The following ROBO1 variants were observed in gnomAD, a reference collection of about 807,000 sequenced individuals.
ROBO1 encodes roundabout guidance receptor 1.
Under a neutral mutation model 195.9 loss-of-function variants are expected in ROBO1, and 149 were observed. The ratio of observed to expected loss-of-function variants is 0.76; its 90% CI spans 0.67 to 0.87. ROBO1 has a LOEUF of 0.87. Ranked by LOEUF, ROBO1 falls within the 40% of genes least tolerant of loss-of-function variation. The pLI, the probability that ROBO1 is intolerant of heterozygous loss-of-function variation, is 0.00. For missense variants in ROBO1, 1,933 were observed against 2,068.3 expected, an observed-to-expected ratio of 0.93 and a Z score of 1.27; for synonymous variants, 816 against 733.2, an observed-to-expected ratio of 1.11 and a Z score of -1.82.
In ROBO1 at chr3:78,668,542, G is replaced by A. The variant is rs779604252; in HGVS notation, c.1572C>T (p.Thr524=). 6.2e-7 allele frequency: 1 copy of A among 1,613,698 alleles called. No homozygotes were observed. Among genetic ancestry groups the A allele is most frequent in the Non-Finnish European group, 8.5e-7 (1 of 1,179,782 alleles). The change falls in exon 12 of 31, where the codon ACC becomes ACT. Residue 524 remains threonine, a synonymous_variant. Transcript: ENST00000464233. ...CACCACTGGGGGTTGATGCAATGCA[G>A]GTGTACCGACCAGTATCACCCAGCT... ...YAKLGDTGRY[T]CIASTPSGEA...
intron 28 of ROBO1, among the ~76,000 whole-genome samples, chr3:78,607,627 A>C (rs953169157): frequency 6.6e-6 from 1 of 152,180 alleles, no homozygotes; most frequent in Non-Finnish European, 1.5e-5. Flanking sequence ...TTGTACTGTA[A>C]CTTTCTCTCT....
chr3:78,688,772 T>C lies in ROBO1; in HGVS notation c.1046A>G (p.Glu349Gly). ...AEASATLTVQEPPHFVVKPRD... is the reference protein window; with the variant it reads ...AEASATLTVQGPPHFVVKPRD... ...GGGTTTCACAACAAAATGTGGAGGT[T>C]CTGAAGGAGGTGAAACAAATTACAC... Residue 349 changes from glutamate to glycine, a missense_variant and splice_region_variant, in exon 9 of 31, where the codon GAA becomes GGA. By Grantham distance (98) the Glu-to-Gly change is moderately conservative. This residue lies in a region of ROBO1 where 1,737 missense variants were observed against 1,882.5 expected (regional missense o/e 0.92). Coordinates refer to ENST00000464233, the MANE Select transcript of ROBO1 (RefSeq NM_002941.4). The C allele has an allele frequency of 6.2e-7, 1 of 1,607,202 alleles. No homozygotes were observed. The highest frequency in any genetic ancestry group is 8.5e-7 in the Non-Finnish European group (1 of 1,176,690).
At chr3:78,822,093 T>TACAC (rs113114251) in intron 4 of ROBO1, among the ~76,000 whole-genome samples, 10,370 of 146,828 alleles carry the variant, frequency 0.071, 392 homozygotes, top group Middle Eastern at 0.12. Context: ...CACATATACA[T>TACAC]ACACACACAC....
chr3:79,108,037 T>C (rs918844132), intron 3 of ROBO1, among the ~76,000 whole-genome samples: 1 of 151,792 alleles, frequency 6.6e-6, no homozygotes, highest in African/African-American at 2.4e-5. Flanking sequence ...ATAGGTCTTT[T>C]ATTTCATGAT....
intron 1 of ROBO1, among the ~76,000 whole-genome samples, chr3:79,704,172 G>T (rs149971816): frequency 1.6e-4 from 25 of 151,800 alleles, no homozygotes; most frequent in South Asian, 4.1e-4. Context: ...CAACATTCCC[G>T]CCAAAGTGGT....
chr3:79,016,073 C>G (rs941779784), intron 3 of ROBO1, among the ~76,000 whole-genome samples: 7 of 152,166 alleles, frequency 4.6e-5, no homozygotes, highest in Admixed American at 1.3e-4. Flanking sequence ...AGGCTTGGGG[C>G]AAGACATGAA....
chr3:79,262,456 A>C (rs1321728386), intron 2 of ROBO1, among the ~76,000 whole-genome samples: 2 of 152,144 alleles, frequency 1.3e-5, no homozygotes, highest in African/African-American at 2.4e-5. Flanking sequence ...TATTTAGAGT[A>C]CAAGAAAAGA....
chr3:78,774,967 A>G (rs1042995056), intron 4 of ROBO1, among the ~76,000 whole-genome samples: 3 of 152,266 alleles, frequency 2.0e-5, no homozygotes, highest in Non-Finnish European at 4.4e-5. Flanking sequence ...TAAAACTTTA[A>G]CTTTACCTAT....
At chr3:79,620,280 G>A (rs1307696085) in intron 1 of ROBO1, among the ~76,000 whole-genome samples, 1 of 152,128 alleles carries the variant, frequency 6.6e-6, no homozygotes, top group African/African-American at 2.4e-5. Flanking sequence ...CTTGGCTTAG[G>A]GGCTGAAGAC....
At chr3:79,122,073 A>C (rs2080128429) in intron 3 of ROBO1, among the ~76,000 whole-genome samples, 1 of 152,038 alleles carries the variant, frequency 6.6e-6, no homozygotes, top group Non-Finnish European at 1.5e-5. Context: ...CCAGCAGTCA[A>C]TAAACACTCT....
At chr3:79,400,746 T>A (rs1210065965) in intron 2 of ROBO1, among the ~76,000 whole-genome samples, 3 of 152,006 alleles carry the variant, frequency 2.0e-5, no homozygotes, top group African/African-American at 7.2e-5. Context: ...TTTGTTCTTT[T>A]TAAAAATCAG....
chr3:78,866,036 A>G (rs1382908961), intron 4 of ROBO1, among the ~76,000 whole-genome samples: 1 of 152,180 alleles, frequency 6.6e-6, no homozygotes, highest in East Asian at 1.9e-4. Context: ...CAACTGTAAC[A>G]AAGATATTTC....
rs552073400 is a variant in ROBO1 at position 79,714,740 on chromosome 3, A to G, written c.-51+53012T>C. ...TGGAGACCATCATTCTCAGCAAACT[A>G]TCACAAGGACAAAAACCAAACAACG... On this transcript the variant is annotated intron_variant, in intron 1 of 30. Coordinates refer to ENST00000464233, the MANE Select transcript of ROBO1 (RefSeq NM_002941.4). Among the ~76,000 whole-genome samples, 27 of 151,660 alleles carry G rather than the reference A, an allele frequency of 1.8e-4. No individual in the cohort carries two copies. The South Asian group carries it at 4.6e-3, about 26-fold the overall frequency.
chr3:79,677,212 G>A (rs1279595338), intron 1 of ROBO1, among the ~76,000 whole-genome samples: 1 of 151,984 alleles, frequency 6.6e-6, no homozygotes, highest in Non-Finnish European at 1.5e-5. Flanking sequence ...CTAAAACTCT[G>A]TCTTTCTAGC....
intron 2 of ROBO1, among the ~76,000 whole-genome samples, chr3:79,340,799 C>T (rs1366890094): frequency 6.6e-6 from 1 of 152,086 alleles, no homozygotes; most frequent in East Asian, 1.9e-4. Flanking sequence ...GAAATGTACA[C>T]AAGAAATATA....
chr3:78,699,008 G>A (rs1349736535), intron 8 of ROBO1, among the ~76,000 whole-genome samples: 1 of 152,116 alleles, frequency 6.6e-6, no homozygotes, highest in East Asian at 1.9e-4. Context: ...CTATAATTTT[G>A]ATGGTAATAT....
chr3:78,932,257 A>C (rs6786700), intron 4 of ROBO1, among the ~76,000 whole-genome samples: 2 of 152,222 alleles, frequency 1.3e-5, no homozygotes, highest in African/African-American at 4.8e-5. Context: ...CTGTTGATAC[A>C]AGGAGACACT....
chr3:79,262,162 G>A (rs947738897), intron 2 of ROBO1, among the ~76,000 whole-genome samples: 1 of 151,952 alleles, frequency 6.6e-6, no homozygotes, highest in African/African-American at 2.4e-5. Flanking sequence ...AAATTCCCTA[G>A]GTAACTCATT....
At chr3:79,653,516 A>G (rs1946073846) in intron 1 of ROBO1, among the ~76,000 whole-genome samples, 1 of 152,036 alleles carries the variant, frequency 6.6e-6, no homozygotes. Flanking sequence ...GTCATTGTAC[A>G]GGATTAGTCA....
Sources: gnomAD v4.1 joint callset for allele counts (sites outside exome capture counted in the v4.1 genomes callset) on GRCh38, gnomAD v4.1.1 for gene constraint, gnomAD v4.1.1 regional missense constraint, MANE v1.5 for transcripts, NCBI Gene and HGNC (gene_info 2026-07-23, HGNC 2026-07-21) for gene names.